JMJD1C: variants seen among roughly 807,000 people sequenced by gnomAD.
JMJD1C encodes the protein jumonji domain containing 1C.
A neutral mutation model predicts 245.3 loss-of-function variants in JMJD1C; 31 were observed. The observed-to-expected ratio is 0.13, with a 90% CI of 0.09 to 0.17. The LOEUF (loss-of-function observed/expected upper bound fraction) is 0.17. Among genes scored for constraint, JMJD1C ranks in the 10% least tolerant of loss-of-function variants. The pLI, the probability that JMJD1C is intolerant of heterozygous loss-of-function variation, is 1.00. For synonymous variants in JMJD1C, 1,057 were observed against 1,017.4 expected (o/e 1.04, Z -0.74); for missense variants, 2,691 against 3,000.2 (o/e 0.90, Z 2.41).
In JMJD1C at chr10:63,221,501, A is replaced by G. The variant is rs138362946; in HGVS notation, c.448-1518T>C. ...ACAGCAGAAGAAAATACCAGAATGA[A>G]AAACTGTCATACAAATAAGTAGGCA... On this transcript the variant is annotated intron_variant, in intron 3 of 25. Transcript: ENST00000399262. Among the ~76,000 whole-genome samples, 50 of 152,352 alleles carry G rather than the reference A, an allele frequency of 3.3e-4. No individual in the cohort carries two copies. In the East Asian group the frequency reaches 6.7e-3, roughly 21 times the overall value.
intron 1 of JMJD1C, among the ~76,000 whole-genome samples, chr10:63,430,327 G>T (rs1950673687): frequency 6.6e-6 from 1 of 152,106 alleles, no homozygotes; most frequent in Admixed American, 6.5e-5. Context: ...AGTAACAAAA[G>T]AAAACATAAA....
At chr10:63,329,154 C>T (rs893127377) in intron 2 of JMJD1C, among the ~76,000 whole-genome samples, 2 of 151,654 alleles carry the variant, frequency 1.3e-5, no homozygotes, top group East Asian at 1.9e-4. Context: ...TGGTGGCATG[C>T]GCCTATAATC....
intron 2 of JMJD1C, among the ~76,000 whole-genome samples, chr10:63,312,553 T>A (rs1288382931): frequency 2.0e-5 from 3 of 152,170 alleles, no homozygotes; most frequent in Non-Finnish European, 2.9e-5. Context: ...GAAATCTAAA[T>A]AAAAATAATT....
At chr10:63,244,322 A>C (rs1444987691) in intron 3 of JMJD1C, among the ~76,000 whole-genome samples, 1 of 152,186 alleles carries the variant, frequency 6.6e-6, no homozygotes, top group Non-Finnish European at 1.5e-5. Context: ...CTGACTGTTT[A>C]CTAGAACCAA....
rs1050591751 is a variant in JMJD1C, at chr10:63,208,257, A to C, written c.3412T>G (p.Ser1138Ala). 6.2e-7 allele frequency: 1 copy of C among 1,613,890 alleles called. No homozygotes were observed. The highest frequency in any genetic ancestry group is 8.5e-7 in the Non-Finnish European group (1 of 1,179,962). ...AAAANPQTLT[S>A]FITSLSKPPP... ...GGCTTTGAAAGAGATGTTATAAATGAAGTCAGAGTTTGAGGATTAGCTGCT... is the reference window on the plus strand; with the variant it reads ...GGCTTTGAAAGAGATGTTATAAATGCAGTCAGAGTTTGAGGATTAGCTGCT... Residue 1138 changes from serine to alanine, a missense_variant, in exon 10 of 26, where the codon TCA (serine) becomes GCA (alanine). Physicochemically the swap from Ser to Ala is moderately conservative, Grantham distance 99 (BLOSUM62 1). Transcript: ENST00000399262.
At chr10:63,328,054 C>T (rs1941730732) in intron 2 of JMJD1C, among the ~76,000 whole-genome samples, 1 of 152,070 alleles carries the variant, frequency 6.6e-6, no homozygotes, top group Non-Finnish European at 1.5e-5. Context: ...CCAGGCGGAT[C>T]ACCTGAGGTC....
rs191785200 is a variant in JMJD1C, at chr10:63,263,917, G to A, written c.447+734C>T. On this transcript the variant is annotated intron_variant, in intron 3 of 25. Transcript: ENST00000399262. ...ACTGCATTCCAGCCTGGGTGAAAGA[G>A]TGAGACTCCATCACGGAAAAAAAAA... Among the ~76,000 whole-genome samples, 132 of 139,812 alleles carry A rather than the reference G, an allele frequency of 9.4e-4. 2 individuals are homozygous for A. Among genetic ancestry groups the A allele is most frequent in the African/African-American group, 3.2e-3 (119 of 37,230 alleles). 91.7% of individuals were successfully genotyped at this position (139,812 alleles called of 152,430 possible).
intron 17 of JMJD1C, 30 bp from the exon 18 acceptor site, chr10:63,189,476 C>A (rs746218971): frequency 2.0e-5 from 31 of 1,559,226 alleles, no homozygotes; most frequent in African/African-American, 1.4e-4. Flanking sequence ...ACAAAAAAAA[C>A]CTGTTTTTGA....
chr10:63,515,370 G>A (rs778744822), intron 1 of JMJD1C, among the ~76,000 whole-genome samples: 5 of 152,148 alleles, frequency 3.3e-5, no homozygotes, highest in Non-Finnish European at 7.3e-5. Flanking sequence ...AGCTGACAGC[G>A]TAAGAGGATT....
chr10:63,340,585 C>G (rs1053829329), intron 2 of JMJD1C, among the ~76,000 whole-genome samples: 4 of 152,200 alleles, frequency 2.6e-5, no homozygotes, highest in African/African-American at 9.6e-5. Context: ...AGCAGTGTAA[C>G]TGTAACATGT....
At chr10:63,488,557 T>C (rs1954069983) in intron 1 of JMJD1C, among the ~76,000 whole-genome samples, 1 of 150,784 alleles carries the variant, frequency 6.6e-6, no homozygotes, top group Non-Finnish European at 1.5e-5. Flanking sequence ...AAAAAAACTG[T>C]ACTATATTTA....
chr10:63,285,480 T>C (rs1035022516), intron 2 of JMJD1C, among the ~76,000 whole-genome samples: 2 of 152,148 alleles, frequency 1.3e-5, no homozygotes, highest in African/African-American at 4.8e-5. Context: ...ATCAGAAAGA[T>C]TTGAGTCTGA....
chr10:63,372,767 G>A (rs1340278609), intron 2 of JMJD1C, among the ~76,000 whole-genome samples: 2 of 152,102 alleles, frequency 1.3e-5, no homozygotes, highest in Non-Finnish European at 2.9e-5. Context: ...ATCTATTAAG[G>A]GAAGACAGAC....
intron 3 of JMJD1C, among the ~76,000 whole-genome samples, chr10:63,243,239 TA>T (rs1234043893): frequency 6.6e-6 from 1 of 151,492 alleles, no homozygotes; most frequent in African/African-American, 2.4e-5. Flanking sequence ...AAAATTTGAT[TA>T]ATTTGGCCAG....
intron 2 of JMJD1C, among the ~76,000 whole-genome samples, chr10:63,321,831 G>C (rs1280831518): frequency 6.6e-6 from 1 of 152,182 alleles, no homozygotes; most frequent in Non-Finnish European, 1.5e-5. Flanking sequence ...TGATAGCCAA[G>C]AGGATGCCCT....
chr10:63,397,064 C>A (rs933485174), intron 1 of JMJD1C, among the ~76,000 whole-genome samples: 1 of 151,330 alleles, frequency 6.6e-6, no homozygotes, highest in African/African-American at 2.4e-5. Flanking sequence ...TCTATTTTGA[C>A]AAATTAATGG....
Position 63,206,677 on chromosome 10 carries a change from T to A in JMJD1C, c.4992A>T (p.Ile1664=). The change falls in exon 10 of 26, where the codon ATA becomes ATT. Residue 1664 remains isoleucine, a synonymous_variant. Coordinates refer to ENST00000399262, the MANE Select transcript of JMJD1C (RefSeq NM_032776.3). The part of the protein sequence containing the change: ...QNDLQKRKGE[I]EEDLKPNGVL... ...CTCCATTGGGTTTCAAATCTTCTTC[T>A]ATTTCACCTTTTCTCTTTTGCAAAT... 6.2e-7 allele frequency: 1 copy of A among 1,613,470 alleles called. No individual in the cohort carries two copies.
chr10:63,387,721 C>T (rs2134566887), intron 1 of JMJD1C, among the ~76,000 whole-genome samples: 1 of 144,946 alleles, frequency 6.9e-6, no homozygotes, highest in South Asian at 2.2e-4. Flanking sequence ...CTGCCAGCTC[C>T]ACCTCCTGGG....
intron 2 of JMJD1C, among the ~76,000 whole-genome samples, chr10:63,354,865 A>AC (rs1944690901): frequency 6.6e-6 from 1 of 150,432 alleles, no homozygotes; most frequent in Admixed American, 6.6e-5. Context: ...AACAAAAAAA[A>AC]AAAAAAAAAA....
Sources: gnomAD v4.1 joint callset for allele counts (sites outside exome capture counted in the v4.1 genomes callset) on GRCh38, gnomAD v4.1.1 for gene constraint, MANE v1.5 for transcripts, NCBI Gene and HGNC (gene_info 2026-07-23, HGNC 2026-07-21) for gene names.